Variants in TPGS1 observed in about 807,000 individuals in gnomAD.
TPGS1 encodes gene trap ROSA b-geo 22.
A neutral mutation model predicts 11.9 loss-of-function variants in TPGS1; 18 were observed. The observed-to-expected ratio is 1.51, with a 90% CI of 1.04 to 2.24. TPGS1 has a LOEUF of 2.24. Among genes scored for constraint, TPGS1 ranks in the 30% most tolerant of loss-of-function variants. The pLI is 0.00. For synonymous variants in TPGS1, 247 were observed against 218.2 expected, an observed-to-expected ratio of 1.13 and a Z score of -1.16; for missense variants, 500 against 443.0, an observed-to-expected ratio of 1.13 and a Z score of -1.16.
chr19:507,870 G>C, intron 1 of TPGS1, 26 bp downstream of exon 1: 1 of 1,307,524 alleles, frequency 7.6e-7, no homozygotes, highest in Non-Finnish European at 9.7e-7. Flanking sequence ...GCTTGGGCGG[G>C]TGGGGCAGCG....
intron 1 of TPGS1, among the ~76,000 whole-genome samples, chr19:516,530 G>A (rs894042351): frequency 1.2e-4 from 18 of 152,010 alleles, no homozygotes; most frequent in African/African-American, 3.1e-4. Flanking sequence ...GACTACAGAC[G>A]TGTACCACCA....
Position 518,952 on chromosome 19 carries a change from G to A in TPGS1, c.402G>A (p.Lys134=). Residue 134 remains lysine (K), a synonymous_variant, in exon 2 of 2, where the codon AAG becomes AAA. Transcript: ENST00000359315. Reference sequence around the variant, plus strand: ...GCCTGAGCGCCGGCGGGCGCAGGAAGAGGCCGGGGCTGGACGGGCGCACCT... The same window carrying A: ...GCCTGAGCGCCGGCGGGCGCAGGAAAAGGCCGGGGCTGGACGGGCGCACCT... ...YECLSAGGRR[K]RPGLDGRTYS... is the part of the protein sequence containing the mutation. 1.3e-6 allele frequency: 2 copies of A among 1,584,458 alleles called. No homozygotes were observed. Among genetic ancestry groups the A allele is most frequent in the Non-Finnish European group, 1.7e-6 (2 of 1,171,982 alleles).
At chr19:518,004 CG>C (rs1979013687) in intron 1 of TPGS1, among the ~76,000 whole-genome samples, 2 of 63,444 alleles carry the variant, frequency 3.2e-5, no homozygotes, top group African/African-American at 7.1e-5. Flanking sequence ...GGGAGGAGGC[CG>C]AGGCTGGGGG....
intron 1 of TPGS1, among the ~76,000 whole-genome samples, chr19:513,125 C>T (rs1978850135): frequency 6.6e-6 from 1 of 152,162 alleles, no homozygotes; most frequent in African/African-American, 2.4e-5. Flanking sequence ...TGTGAGGCGG[C>T]AGCAGCCTGC....
At chr19:514,672 A>G (rs1044765846) in intron 1 of TPGS1, among the ~76,000 whole-genome samples, 1 of 152,228 alleles carries the variant, frequency 6.6e-6, no homozygotes, top group African/African-American at 2.4e-5. Context: ...CCCAGAAGGG[A>G]AAAGCGTAAG....
chr19:516,578 T>C (rs1978961760), intron 1 of TPGS1, among the ~76,000 whole-genome samples: 1 of 152,106 alleles, frequency 6.6e-6, no homozygotes, highest in Non-Finnish European at 1.5e-5. Context: ...AGAGATGGGG[T>C]TTCACCATGT....
At chr19:507,899 C>A in intron 1 of TPGS1, 55 bp downstream of exon 1, 1 of 1,254,088 alleles carries the variant, frequency 8.0e-7, no homozygotes, top group South Asian at 2.5e-5. Flanking sequence ...CAACTCCCAG[C>A]ATGCCGCGCG....
intron 1 of TPGS1, among the ~76,000 whole-genome samples, chr19:512,757 C>G (rs538242991): frequency 6.6e-6 from 1 of 152,262 alleles, no homozygotes; most frequent in Non-Finnish European, 1.5e-5. Context: ...CGTCCCTTCC[C>G]CCTGCACAGC....
chr19:509,200 G>A (rs1600397611), intron 1 of TPGS1: 1 of 152,236 alleles, frequency 6.6e-6, no homozygotes, highest in African/African-American at 2.4e-5. Context: ...CTAGCCCAGA[G>A]AGCCCACCAG....
intron 1 of TPGS1, among the ~76,000 whole-genome samples, chr19:514,809 T>TG (rs151103060): frequency 0.045 from 6,911 of 152,208 alleles, 217 homozygotes; most frequent in Non-Finnish European, 0.069. Flanking sequence ...CGGGAACTGA[T>TG]GGGGGGAGTG....
Position 507,540 on chromosome 19 carries a change from C to G in TPGS1, c.34C>G (p.Pro12Ala). 2.1e-6 allele frequency: 3 copies of G among 1,418,472 alleles called. No homozygotes were observed. Among genetic ancestry groups the G allele is most frequent in the Non-Finnish European group, 2.8e-6 (3 of 1,082,340 alleles). The allele number at this position is 1,418,472 out of a possible 1,614,324, so 87.9% of individuals were successfully genotyped here. A position where few individuals can be genotyped will look rare whatever the true frequency, so the allele number is the denominator to read the frequency against. The change falls in exon 1 of 2, where the codon CCA becomes GCA. Residue 12 changes from proline (P) to alanine (A), a missense_variant. Pro to Ala is a conservative substitution (Grantham distance 27, BLOSUM62 -1). Coordinates refer to ENST00000359315, the MANE Select transcript of TPGS1 (RefSeq NM_033513.3). Reference protein sequence around the residue: ...AAVEKRRQAVPPPAGFTDSGR... With the variant: ...AAVEKRRQAVAPPAGFTDSGR... Reference sequence around the variant, plus strand: ...AGTGGAGAAGCGGCGGCAAGCGGTACCACCGCCGGCCGGTTTCACGGACAG... The same window carrying G: ...AGTGGAGAAGCGGCGGCAAGCGGTAGCACCGCCGGCCGGTTTCACGGACAG...
At chr19:514,299 T>C (rs773569187) in intron 1 of TPGS1, among the ~76,000 whole-genome samples, 1 of 145,724 alleles carries the variant, frequency 6.9e-6, no homozygotes, top group African/African-American at 2.6e-5. Flanking sequence ...ACACCGGCCC[T>C]GTATTACTGA....
chr19:519,054 G>T lies in TPGS1; in HGVS notation c.504G>T (p.Val168=). The T allele has an allele frequency of 6.5e-7, 1 of 1,543,338 alleles. No individual in the cohort carries two copies. Among genetic ancestry groups the T allele is most frequent in the Non-Finnish European group, 8.7e-7 (1 of 1,150,896 alleles). ...EEVVAPLLRK[V]QCRDHEAVPL... is the part of the protein sequence containing the mutation. ...TGGTGGCGCCGCTGCTGCGCAAGGT[G>T]CAGTGCCGTGACCACGAGGCGGTGC... The change falls in exon 2 of 2, where the codon GTG becomes GTT. Residue 168 remains valine, a synonymous_variant. Transcript: ENST00000359315.
rs1264106195 is a variant in TPGS1 at position 519,029 on chromosome 19, T to A, written c.479T>A (p.Val160Glu). Residue 160 changes from valine (V) to glutamate (E), a missense_variant, in exon 2 of 2, where the codon GTG (valine) becomes GAG (glutamate). Transcript: ENST00000359315. ...ICRDGQAPEEVVAPLLRKVQC... is the reference protein window; with the variant it reads ...ICRDGQAPEEEVAPLLRKVQC... ...CGGGACGGCCAAGCCCCCGAGGAGG[T>A]GGTGGCGCCGCTGCTGCGCAAGGTG... 3 of 1,556,896 alleles carry A rather than the reference T, an allele frequency of 1.9e-6. No homozygotes were observed. Among genetic ancestry groups the A allele is most frequent in the Non-Finnish European group, 2.6e-6 (3 of 1,158,006 alleles).
chr19:517,822 G>A lies in TPGS1; in HGVS notation c.339-1067G>A, dbSNP rs189879681. Among the ~76,000 whole-genome samples, 659 of 109,546 alleles carry A rather than the reference G, an allele frequency of 6.0e-3. 28 individuals carry two copies. The highest frequency in any genetic ancestry group is 0.024 in the African/African-American group (616 of 25,192). 71.9% of individuals were successfully genotyped at this position (109,546 alleles called of 152,430 possible). A position where few individuals can be genotyped will look rare whatever the true frequency, so the allele number is the denominator to read the frequency against. ...GTTGGGAGGAGGAGGCCGAGGCTGG[G>A]GGTGCTGGTGGGGAGGGGAGGCCCG... On this transcript the variant is annotated intron_variant, in intron 1 of 1. Transcript: ENST00000359315.
At position 519,076 on chromosome 19, in the gene TPGS1, G is replaced by A. The variant is rs2145836376; in HGVS notation, c.526G>A (p.Val176Met). The A allele has an allele frequency of 6.5e-7, 1 of 1,534,590 alleles. No homozygotes were observed. Among genetic ancestry groups the A allele is most frequent in the East Asian group, 2.5e-5 (1 of 40,646 alleles). The change falls in exon 2 of 2, where the codon GTG (valine) becomes ATG (methionine). Residue 176 changes from valine to methionine, a missense_variant. Coordinates refer to ENST00000359315, the MANE Select transcript of TPGS1 (RefSeq NM_033513.3). ...GGTGCAGTGCCGTGACCACGAGGCGGTGCCGCTGAGCGTCTTCCGCGCGGG... is the reference window on the plus strand; with the variant it reads ...GGTGCAGTGCCGTGACCACGAGGCGATGCCGCTGAGCGTCTTCCGCGCGGG... Reference protein sequence around the residue: ...RKVQCRDHEAVPLSVFRAGTL... With the variant: ...RKVQCRDHEAMPLSVFRAGTL...
chr19:516,774 C>G (rs1978967826), intron 1 of TPGS1, among the ~76,000 whole-genome samples: 1 of 152,166 alleles, frequency 6.6e-6, no homozygotes, highest in African/African-American at 2.4e-5. Context: ...TAAGCAGGAA[C>G]TCGCTGGGCC....
intron 1 of TPGS1, among the ~76,000 whole-genome samples, chr19:510,795 G>A (rs1473605390): frequency 1.3e-5 from 2 of 152,192 alleles, no homozygotes; most frequent in East Asian, 1.9e-4. Flanking sequence ...CCAGGAAAAC[G>A]TGCACGAAAA....
intron 1 of TPGS1, among the ~76,000 whole-genome samples, chr19:513,715 T>C (rs371075936): frequency 0.24 from 27,454 of 115,146 alleles, 3,989 homozygotes; most frequent in Admixed American, 0.36. Flanking sequence ...CATTACTGAG[T>C]ACCTACTGCA....
Sources: gnomAD v4.1 joint callset for allele counts (sites outside exome capture counted in the v4.1 genomes callset) on GRCh38, gnomAD v4.1.1 for gene constraint, MANE v1.5 for transcripts, NCBI Gene and HGNC (gene_info 2026-07-23, HGNC 2026-07-21) for gene names.